DCDC1: variants seen among roughly 807,000 people sequenced by gnomAD.
DCDC1 encodes doublecortin domain-containing protein 1.
Under a neutral mutation model 178.3 loss-of-function variants are expected in DCDC1, and 200 were observed. The ratio of observed to expected loss-of-function variants is 1.12; its 90% CI spans 1.00 to 1.26. DCDC1 has a LOEUF of 1.26. Ranked by LOEUF, DCDC1 falls within the 50% of genes most tolerant of loss-of-function variation. DCDC1 has a pLI of 0.00. For missense variants in DCDC1, 1,983 were observed against 1,749.2 expected (o/e 1.13, Z -2.38); for synonymous variants, 690 against 604.8 (o/e 1.14, Z -2.07).
intron 9 of DCDC1, among the ~76,000 whole-genome samples, chr11:31,180,657 G>C (rs1372784514): frequency 6.6e-6 from 1 of 152,112 alleles, no homozygotes; most frequent in African/African-American, 2.4e-5. Flanking sequence ...GTGAGGAATG[G>C]TGCACTCCAG....
At chr11:31,082,713 C>A (rs769919813) in intron 17 of DCDC1, among the ~76,000 whole-genome samples, 4 of 151,670 alleles carry the variant, frequency 2.6e-5, no homozygotes, top group African/African-American at 4.8e-5. Context: ...ATATATATAT[C>A]TGTTTGTATG....
Position 30,903,518 on chromosome 11 carries a change from CA to C in DCDC1, c.4473del (p.Val1492LeufsTer6). On this transcript the variant is annotated frameshift_variant, in exon 32 of 39. Transcript: ENST00000684477. LOFTEE classifies it high-confidence loss of function. ...DSEKQKQDAAPVGKEQIIVES... is the reference protein window; with the variant it reads ...DSEKQKQDAAXVGKEQIIVES... The stretch of plus-strand genomic sequence containing the variant: ...TCAACAATTATCTGTTCTTTTCCAA[CA>C]GGAGCTGCATCTTGCTTTTGTTTCT... 1 of 1,602,908 alleles carries C rather than the reference CA, an allele frequency of 6.2e-7. No individual in the cohort carries two copies. The highest frequency in any genetic ancestry group is 8.5e-7 in the Non-Finnish European group (1 of 1,174,226).
chr11:31,356,050 C>T (rs1370577710), intron 1 of DCDC1, among the ~76,000 whole-genome samples: 1 of 152,122 alleles, frequency 6.6e-6, no homozygotes, highest in Non-Finnish European at 1.5e-5. Flanking sequence ...AAGTGAGTCA[C>T]ACTCTTTTCT....
chr11:31,159,403 T>C (rs186507475), intron 9 of DCDC1, among the ~76,000 whole-genome samples: 32 of 152,094 alleles, frequency 2.1e-4, no homozygotes, highest in Non-Finnish European at 4.4e-4. Flanking sequence ...ACTATTTGCA[T>C]ATCTACACTC....
intron 20 of DCDC1, among the ~76,000 whole-genome samples, chr11:31,000,635 T>C (rs1241408633): frequency 1.3e-5 from 2 of 152,092 alleles, no homozygotes; most frequent in Non-Finnish European, 2.9e-5. Context: ...AGGGTTTTGA[T>C]TGCAGAACAT....
intron 8 of DCDC1, among the ~76,000 whole-genome samples, chr11:31,256,147 A>G (rs1173000527): frequency 6.6e-6 from 1 of 152,140 alleles, no homozygotes; most frequent in Non-Finnish European, 1.5e-5. Context: ...GTATTGGTTT[A>G]TTTCTGGACT....
chr11:30,878,301 A>G, intron 38 of DCDC1, among the ~76,000 whole-genome samples: 1 of 151,956 alleles, frequency 6.6e-6, no homozygotes, highest in Non-Finnish European at 1.5e-5. Flanking sequence ...AAAAATATAA[A>G]TATTAGCTGG....
intron 9 of DCDC1, among the ~76,000 whole-genome samples, chr11:31,224,162 A>G (rs1974629547): frequency 6.6e-6 from 1 of 152,112 alleles, no homozygotes; most frequent in African/African-American, 2.4e-5. Flanking sequence ...AAGTTCAATT[A>G]AAACTCTTTT....
chr11:31,067,054 G>A (rs981901740), intron 18 of DCDC1, among the ~76,000 whole-genome samples: 1 of 151,858 alleles, frequency 6.6e-6, no homozygotes, highest in Non-Finnish European at 1.5e-5. Flanking sequence ...TAAGGTAAGG[G>A]GCTCCACCAA....
intron 20 of DCDC1, among the ~76,000 whole-genome samples, chr11:30,975,138 T>A (rs901337818): frequency 4.6e-5 from 7 of 152,062 alleles, no homozygotes; most frequent in Admixed American, 6.6e-5. Context: ...ATTATCTCAA[T>A]AGACACAGAA....
intron 9 of DCDC1, among the ~76,000 whole-genome samples, chr11:31,198,173 A>G (rs1970897501): frequency 6.6e-6 from 1 of 151,982 alleles, no homozygotes; most frequent in Non-Finnish European, 1.5e-5. Flanking sequence ...CTCTGTTGCT[A>G]AAGTATATAT....
At chr11:31,251,478 G>A (rs1256105213) in intron 8 of DCDC1, among the ~76,000 whole-genome samples, 2 of 152,142 alleles carry the variant, frequency 1.3e-5, no homozygotes, top group Non-Finnish European at 2.9e-5. Flanking sequence ...CAAAAAGGTT[G>A]AGTAACTTGG....
At chr11:31,158,469 TG>T (rs947528745) in intron 9 of DCDC1, among the ~76,000 whole-genome samples, 2 of 152,178 alleles carry the variant, frequency 1.3e-5, no homozygotes, top group African/African-American at 4.8e-5. Context: ...ATAGATTTCA[TG>T]AACTTAATCC....
chr11:30,877,283 G>A (rs1174353817), intron 38 of DCDC1, among the ~76,000 whole-genome samples: 1 of 152,138 alleles, frequency 6.6e-6, no homozygotes, highest in Non-Finnish European at 1.5e-5. Context: ...ACCCAGCTGA[G>A]CCATTCTGTA....
At chr11:31,084,666 A>G (rs1957369211) in intron 17 of DCDC1, among the ~76,000 whole-genome samples, 1 of 152,044 alleles carries the variant, frequency 6.6e-6, no homozygotes, top group Admixed American at 6.5e-5. Flanking sequence ...CTTGCCTTCA[A>G]CTTAAGTACT....
At chr11:31,166,825 A>G (rs1204888220) in intron 9 of DCDC1, among the ~76,000 whole-genome samples, 1 of 152,156 alleles carries the variant, frequency 6.6e-6, no homozygotes, top group African/African-American at 2.4e-5. Flanking sequence ...GACTTCCAGG[A>G]AAGCTCTTTA....
intron 20 of DCDC1, among the ~76,000 whole-genome samples, chr11:31,049,757 G>T (rs1377237886): frequency 6.6e-6 from 1 of 152,194 alleles, no homozygotes; most frequent in African/African-American, 2.4e-5. Flanking sequence ...CTGAAGGTCT[G>T]TTTGCGGGAG....
intron 9 of DCDC1, among the ~76,000 whole-genome samples, chr11:31,181,048 T>C (rs1049381883): frequency 4.6e-5 from 7 of 152,178 alleles, no homozygotes; most frequent in Middle Eastern, 6.8e-3. Context: ...TCCACCCTTA[T>C]TGAAGCTTGA....
intron 20 of DCDC1, among the ~76,000 whole-genome samples, chr11:30,992,901 C>G (rs570625029): frequency 6.6e-6 from 1 of 152,128 alleles, no homozygotes; most frequent in East Asian, 1.9e-4. Context: ...AAGGTGGGTA[C>G]TGAAGTCGAT....
Sources: gnomAD v4.1 joint callset for allele counts (sites outside exome capture counted in the v4.1 genomes callset) on GRCh38, gnomAD v4.1.1 for gene constraint, MANE v1.5 for transcripts, NCBI Gene and HGNC (gene_info 2026-07-23, HGNC 2026-07-21) for gene names.